Variants in WBP2NL observed in about 807,000 individuals in gnomAD.
The protein encoded by WBP2NL is postacrosomal sheath WW domain-binding protein.
Under a neutral mutation model 23.3 loss-of-function variants are expected in WBP2NL, and 27 were observed. That is an observed-to-expected ratio of 1.16 (90% CI 0.85 to 1.60). WBP2NL has a LOEUF of 1.60. Ranked by LOEUF, WBP2NL falls within the 40% of genes most tolerant of loss-of-function variation. The probability of loss-of-function intolerance (pLI) is 0.00; values close to 1 mark genes in which losing one functional copy is unlikely to be tolerated. For missense variants in WBP2NL, 370 were observed against 389.5 expected (o/e 0.95, Z 0.42); for synonymous variants, 151 against 145.9 (o/e 1.03, Z -0.25).
chr22:42,034,532 T>C (rs553382926), downstream of WBP2NL, among the ~76,000 whole-genome samples: 2 of 152,312 alleles, frequency 1.3e-5, no homozygotes, highest in Admixed American at 1.3e-4. Context: ...ACATTGCTAA[T>C]GAAGTTTCAG....
chr22:42,046,697 G>A (rs1925600527), intron 8 of WBP2NL, among the ~76,000 whole-genome samples: 1 of 152,022 alleles, frequency 6.6e-6, no homozygotes, highest in Admixed American at 6.6e-5. Context: ...TACTTTTTTG[G>A]ATTAGATTTA....
At chr22:42,042,233 C>T (rs1036297890) in intron 8 of WBP2NL, among the ~76,000 whole-genome samples, 17 of 152,172 alleles carry the variant, frequency 1.1e-4, no homozygotes, top group African/African-American at 3.9e-4. Context: ...TTAGTTACTT[C>T]TTCAAATACA....
chr22:42,001,957 C>A, intron 1 of WBP2NL: 1 of 1,357,440 alleles, frequency 7.4e-7, no homozygotes. Flanking sequence ...GACACAGCAG[C>A]CTCTGTGATG....
chr22:42,057,791 TTA>T (rs1367913576), intron 8 of WBP2NL, among the ~76,000 whole-genome samples: 2 of 143,290 alleles, frequency 1.4e-5, no homozygotes, highest in South Asian at 2.2e-4. Context: ...TATTTTAAAA[TTA>T]TGTTTTTTTA....
At chr22:42,015,328 G>A (rs1474849939) in intron 1 of WBP2NL, among the ~76,000 whole-genome samples, 5 of 152,160 alleles carry the variant, frequency 3.3e-5, no homozygotes, top group Non-Finnish European at 7.3e-5. Context: ...CTTTGTGTGT[G>A]TTGGAGCATG....
chr22:42,010,784 C>T (rs4822081), intron 1 of WBP2NL, among the ~76,000 whole-genome samples: 44,324 of 152,118 alleles, frequency 0.29, 6,948 homozygotes, highest in Admixed American at 0.37. Context: ...GTGATCCGCC[C>T]GCCTTGGCCT....
chr22:42,039,457 T>C (rs1925319192), intron 8 of WBP2NL, among the ~76,000 whole-genome samples: 1 of 150,830 alleles, frequency 6.6e-6, no homozygotes, highest in Non-Finnish European at 1.5e-5. Flanking sequence ...CGTTCCAAAG[T>C]ACTGTGATCA....
downstream of WBP2NL, among the ~76,000 whole-genome samples, chr22:42,037,897 G>A (rs1925250654): frequency 6.6e-6 from 1 of 150,596 alleles, no homozygotes; most frequent in Non-Finnish European, 1.5e-5. Flanking sequence ...AGTCTTTTGA[G>A]CTTTTTATGT....
downstream of WBP2NL, chr22:42,032,209 C>G (rs1837440884): frequency 6.6e-6 from 1 of 152,354 alleles, no homozygotes; most frequent in East Asian, 1.9e-4. Context: ...CAGCCACTAT[C>G]CAGTCCTGGC....
chr22:42,017,315 A>C, intron 1 of WBP2NL, among the ~76,000 whole-genome samples: 1 of 152,066 alleles, frequency 6.6e-6, no homozygotes, highest in East Asian at 1.9e-4. Flanking sequence ...GGGTTTCACC[A>C]TGTTGGTCAA....
At chr22:42,033,424 C>G (rs957131839), downstream of WBP2NL, among the ~76,000 whole-genome samples, 2 of 152,162 alleles carry the variant, frequency 1.3e-5, no homozygotes, top group Non-Finnish European at 2.9e-5. Flanking sequence ...ACATGTTGAG[C>G]AAGGGGCATG....
At chr22:42,045,989 C>T (rs563577278) in intron 8 of WBP2NL, among the ~76,000 whole-genome samples, 1 of 152,324 alleles carries the variant, frequency 6.6e-6, no homozygotes, top group African/African-American at 2.4e-5. Context: ...TTTTCTCCTC[C>T]TCCACCAGGG....
chr22:42,058,083 A>G (rs1602487854), intron 8 of WBP2NL, among the ~76,000 whole-genome samples: 1 of 149,188 alleles, frequency 6.7e-6, no homozygotes, highest in Non-Finnish European at 1.5e-5. Flanking sequence ...TGCCCGGCTA[A>G]TTTTTTGTAT....
chr22:41,999,315 C>T (rs1334927394), intron 1 of WBP2NL, among the ~76,000 whole-genome samples: 1 of 152,186 alleles, frequency 6.6e-6, no homozygotes, highest in Non-Finnish European at 1.5e-5. Context: ...GTATCTCCTC[C>T]TACTTCCACG....
chr22:42,014,640 T>C (rs2146776884), intron 1 of WBP2NL, among the ~76,000 whole-genome samples: 1 of 152,356 alleles, frequency 6.6e-6, no homozygotes, highest in East Asian at 1.9e-4. Context: ...GTTCATTTTT[T>C]CTTCGTTTTT....
chr22:42,004,897 C>A (rs1922066941), intron 1 of WBP2NL, among the ~76,000 whole-genome samples: 1 of 151,746 alleles, frequency 6.6e-6, no homozygotes, highest in Non-Finnish European at 1.5e-5. Flanking sequence ...GCATTCCAGC[C>A]TGGTCAACAA....
chr22:42,049,561 G>T (rs1031830639), intron 8 of WBP2NL, among the ~76,000 whole-genome samples: 1 of 151,684 alleles, frequency 6.6e-6, no homozygotes, highest in Non-Finnish European at 1.5e-5. Context: ...GTGGTGGCGG[G>T]CACCTGTAGT....
intron 8 of WBP2NL, among the ~76,000 whole-genome samples, chr22:42,057,896 T>TACA (rs1569456270): frequency 3.7e-5 from 1 of 27,170 alleles, no homozygotes; most frequent in African/African-American, 1.6e-4. Flanking sequence ...TATATATATA[T>TACA]ATATATTTTT....
intron 8 of WBP2NL, among the ~76,000 whole-genome samples, chr22:42,043,278 G>A (rs1602479016): frequency 6.6e-6 from 1 of 152,168 alleles, no homozygotes; most frequent in African/African-American, 2.4e-5. Flanking sequence ...GGAGACAAGA[G>A]GTGTGGGGGC....
Sources: gnomAD v4.1 joint callset for allele counts (sites outside exome capture counted in the v4.1 genomes callset) on GRCh38, gnomAD v4.1.1 for gene constraint, MANE v1.5 for transcripts, NCBI Gene and HGNC (gene_info 2026-07-23, HGNC 2026-07-21) for gene names.